The following DCBLD1 variants were observed in gnomAD, a reference collection of about 807,000 sequenced individuals.
DCBLD1 encodes discoidin, CUB and LCCL domain containing 1.
In DCBLD1, 57 loss-of-function variants were observed where a neutral mutation model predicts 71.5. That is an observed-to-expected ratio of 0.80 (90% CI 0.64 to 0.99). The LOEUF is 0.99. Among genes scored for constraint, DCBLD1 ranks in the 50% least tolerant of loss-of-function variants. The pLI, the probability that DCBLD1 is intolerant of heterozygous loss-of-function variation, is 0.00. For missense variants in DCBLD1, 891 were observed against 923.5 expected (o/e 0.96, Z 0.46); for synonymous variants, 380 against 363.8 (o/e 1.04, Z -0.51).
chr6:117,517,923 C>G (rs1005563946), intron 2 of DCBLD1, among the ~76,000 whole-genome samples: 5 of 152,192 alleles, frequency 3.3e-5, no homozygotes, highest in Non-Finnish European at 7.3e-5. Context: ...CTGACATGCC[C>G]TGGAGACATT....
At chr6:117,525,030 C>A (rs1401586867) in intron 4 of DCBLD1, among the ~76,000 whole-genome samples, 2 of 151,982 alleles carry the variant, frequency 1.3e-5, no homozygotes, top group Non-Finnish European at 2.9e-5. Flanking sequence ...CTTATAGAAA[C>A]AAGATTATAC....
Position 117,501,202 on chromosome 6 carries a change from G to C in DCBLD1, c.113-2565G>C, listed in dbSNP as rs1399008133. The stretch of plus-strand genomic sequence containing the variant: ...CAAAATAAATGCTTACAAAGGTAGG[G>C]CAGGTAACAGAAATGAGTAACAAGG... On this transcript the variant is annotated intron_variant, in intron 1 of 14. Coordinates refer to ENST00000338728, the MANE Select transcript of DCBLD1 (RefSeq NM_001366458.2). 2.0e-5 allele frequency among the ~76,000 whole-genome samples: 3 copies of C among 152,284 alleles called. No homozygotes were observed. In the South Asian group the frequency reaches 6.2e-4, roughly 32 times the overall value.
chr6:117,502,781 A>G (rs910216816), intron 1 of DCBLD1, among the ~76,000 whole-genome samples: 1 of 151,918 alleles, frequency 6.6e-6, no homozygotes, highest in African/African-American at 2.4e-5. Context: ...ACATTTTGCA[A>G]TCTGAATGCA....
intron 6 of DCBLD1, among the ~76,000 whole-genome samples, chr6:117,534,296 C>T (rs771877424): frequency 6.6e-6 from 1 of 152,222 alleles, no homozygotes; most frequent in Non-Finnish European, 1.5e-5. Flanking sequence ...ATATTTGCCA[C>T]ATACTTTTCA....
chr6:117,488,229 C>T (rs994348554), intron 1 of DCBLD1, among the ~76,000 whole-genome samples: 2 of 152,042 alleles, frequency 1.3e-5, no homozygotes, highest in Non-Finnish European at 2.9e-5. Context: ...CCTGAGTCAG[C>T]GCATGAATGC....
chr6:117,531,207 A>C (rs544316626), intron 5 of DCBLD1, among the ~76,000 whole-genome samples: 3 of 152,250 alleles, frequency 2.0e-5, no homozygotes, highest in African/African-American at 7.2e-5. Flanking sequence ...ATTGTCATTA[A>C]CAAAAAGAGA....
chr6:117,564,689 A>G (rs1268486925), intron 14 of DCBLD1, among the ~76,000 whole-genome samples: 1 of 152,214 alleles, frequency 6.6e-6, no homozygotes, highest in Non-Finnish European at 1.5e-5. Context: ...CATATGTGAC[A>G]GAGAAGACTT....
At chr6:117,488,505 C>T (rs530678326) in intron 1 of DCBLD1, among the ~76,000 whole-genome samples, 32 of 152,098 alleles carry the variant, frequency 2.1e-4, no homozygotes, top group East Asian at 1.5e-3. Flanking sequence ...ATTTGCCGGG[C>T]GTGGTGGCAC....
In DCBLD1 at chr6:117,548,132, C is replaced by T. The variant is rs1218733516; in HGVS notation, c.1841C>T (p.Thr614Met). The change falls in exon 15 of 15, where the codon ACG becomes ATG. Residue 614 changes from threonine to methionine, a missense_variant. Thr to Met is a moderately conservative substitution (Grantham distance 81). Coordinates refer to ENST00000338728, the MANE Select transcript of DCBLD1 (RefSeq NM_001366458.2). ...GAGCGGCACGTGCTGCGCGCCCACA[C>T]GTTCTCTGCGCAGAGCGGCTACCGC... is the stretch of plus-strand genomic sequence containing the variant. ...IVERHVLRAH[T>M]FSAQSGYRVP... 6.5e-7 allele frequency: 1 copy of T among 1,549,980 alleles called. No individual in the cohort carries two copies. Among genetic ancestry groups the T allele is most frequent in the South Asian group, 1.2e-5 (1 of 84,016 alleles).
At position 117,538,760 on chromosome 6, in the gene DCBLD1, T is replaced by C. The variant is rs2114545492; in HGVS notation, c.901T>C (p.Ser301Pro). 6.2e-7 allele frequency: 1 copy of C among 1,614,166 alleles called. No individual in the cohort carries two copies. The highest frequency in any genetic ancestry group is 2.2e-5 in the East Asian group (1 of 44,878). ...TCAGGACCAAGGCCCATCATGGGCTTCGGGCGACAGTAGCAACAACCACAA... is the reference window on the plus strand; with the variant it reads ...TCAGGACCAAGGCCCATCATGGGCTCCGGGCGACAGTAGCAACAACCACAA... ...RLQDQGPSWA[S>P]GDSSNNHKPR... Residue 301 changes from serine to proline, a missense_variant, in exon 8 of 15, where the codon TCG (serine) becomes CCG (proline). Transcript: ENST00000338728.
At position 117,532,388 on chromosome 6, in the gene DCBLD1, G is replaced by A. The variant is rs747325556; in HGVS notation, c.714G>A (p.Ser238=). The A allele has an allele frequency of 1.9e-5, 30 of 1,604,000 alleles. No homozygotes were observed. The South Asian group carries it at 2.0e-4, about 11-fold the overall frequency. The change falls in exon 6 of 15, where the codon TCG becomes TCA. Residue 238 remains serine, a synonymous_variant. Coordinates refer to ENST00000338728, the MANE Select transcript of DCBLD1 (RefSeq NM_001366458.2). ...YEGILANGVL[S]RDGSLSDKRF... is the part of the protein sequence containing the mutation. ...GGATTCTGGCCAATGGTGTTCTTTCGAGGGAGTAAGTATTTTTTTTCAGTA... is the reference window on the plus strand; with the variant it reads ...GGATTCTGGCCAATGGTGTTCTTTCAAGGGAGTAAGTATTTTTTTTCAGTA...
At chr6:117,547,242 AT>A (rs1431093824) in intron 14 of DCBLD1, among the ~76,000 whole-genome samples, 1 of 152,200 alleles carries the variant, frequency 6.6e-6, no homozygotes, top group Non-Finnish European at 1.5e-5. Flanking sequence ...CTAACAGCAT[AT>A]ACTCAGGATG....
chr6:117,551,990 G>A (rs1266061158), downstream of DCBLD1, among the ~76,000 whole-genome samples: 1 of 152,148 alleles, frequency 6.6e-6, no homozygotes, highest in Non-Finnish European at 1.5e-5. Flanking sequence ...GCCAGTTGTA[G>A]TGGTGCAAGC....
At chr6:117,547,882 G>C (rs1391325465) in intron 14 of DCBLD1, 25 bp from the exon 15 acceptor site, 1 of 1,550,274 alleles carries the variant, frequency 6.5e-7, no homozygotes, top group African/African-American at 1.4e-5. Flanking sequence ...GTGCCCGCTA[G>C]CTGCCATCTG....
chr6:117,513,696 T>A (rs775234112), intron 2 of DCBLD1, among the ~76,000 whole-genome samples: 4 of 152,202 alleles, frequency 2.6e-5, no homozygotes, highest in Non-Finnish European at 5.9e-5. Context: ...CAAACATCCA[T>A]GCAAAACTGT....
intron 14 of DCBLD1, among the ~76,000 whole-genome samples, chr6:117,557,558 G>A (rs1273987776): frequency 2.0e-5 from 3 of 152,158 alleles, no homozygotes; most frequent in Admixed American, 1.3e-4. Flanking sequence ...AGGTCAGAAA[G>A]TTCAAGACCA....
intron 1 of DCBLD1, among the ~76,000 whole-genome samples, chr6:117,498,798 G>A (rs1777551372): frequency 6.6e-6 from 1 of 152,034 alleles, no homozygotes; most frequent in Non-Finnish European, 1.5e-5. Context: ...CCCTGCATAT[G>A]TCAGTAGGCA....
At chr6:117,544,740 TTCTG>T (rs1279709585) in intron 13 of DCBLD1, among the ~76,000 whole-genome samples, 163 bp downstream of exon 13, 1 of 152,026 alleles carries the variant, frequency 6.6e-6, no homozygotes, top group Non-Finnish European at 1.5e-5. Context: ...ATTTATTGTG[TTCTG>T]TCTCTTTATT....
rs1779378186 is a variant in DCBLD1 at position 117,549,186 on chromosome 6, TAC to T, written c.*749_*750del. On this transcript the variant is annotated 3_prime_UTR_variant, in exon 15 of 15. Coordinates refer to ENST00000338728, the MANE Select transcript of DCBLD1 (RefSeq NM_001366458.2). ...GTGACCATGAAGGTGGCACAGGAAT[TAC>T]AGTGTGAATGGCTGTGTCAGATGTT... 3.0e-6 allele frequency: 3 copies of T among 985,494 alleles called. No individual in the cohort carries two copies. The highest frequency in any genetic ancestry group is 3.6e-6 in the Non-Finnish European group (3 of 829,954). The allele number at this position is 985,494 out of a possible 1,614,324, so 61.0% of individuals were successfully genotyped here. A position where few individuals can be genotyped will look rare whatever the true frequency, so the allele number is the denominator to read the frequency against.
Sources: allele counts gnomAD v4.1 joint callset (sites outside exome capture counted in the v4.1 genomes callset), GRCh38; gene constraint gnomAD v4.1.1; transcripts MANE v1.5; gene names NCBI Gene and HGNC (gene_info 2026-07-23, HGNC 2026-07-21).